The following ZMAT4 variants were observed in gnomAD, a reference collection of about 807,000 sequenced individuals.
The protein encoded by ZMAT4 is zinc finger matrin-type protein 4.
In ZMAT4, 17 loss-of-function variants were observed where a neutral mutation model predicts 28.7. That is an observed-to-expected ratio of 0.59 (90% CI 0.41 to 0.89). ZMAT4 has a LOEUF of 0.89. ZMAT4 is among the 40% of genes least tolerant of loss of function. The pLI, the probability that ZMAT4 is intolerant of heterozygous loss-of-function variation, is 0.00. For synonymous variants in ZMAT4, 117 were observed against 109.2 expected (o/e 1.07, Z -0.44); for missense variants, 240 against 283.8 (o/e 0.85, Z 1.11).
chr8:40,815,146 G>A (rs1023584873), intron 2 of ZMAT4, among the ~76,000 whole-genome samples: 3 of 152,118 alleles, frequency 2.0e-5, no homozygotes, highest in South Asian at 2.1e-4. Flanking sequence ...GTGGTGCTGC[G>A]TGCCTGTAAT....
intron 6 of ZMAT4, among the ~76,000 whole-genome samples, chr8:40,551,059 G>A (rs1803355623): frequency 6.6e-6 from 1 of 151,954 alleles, no homozygotes; most frequent in Non-Finnish European, 1.5e-5. Context: ...GTTTATTATA[G>A]TGATGTTGTC....
intron 1 of ZMAT4, among the ~76,000 whole-genome samples, chr8:40,891,850 G>A (rs923848800): frequency 2.6e-5 from 4 of 152,190 alleles, no homozygotes; most frequent in African/African-American, 9.6e-5. Context: ...ACTAACTGGG[G>A]TGCTTTCTTC....
chr8:40,642,266 C>T (rs1807065728), intron 5 of ZMAT4, among the ~76,000 whole-genome samples: 1 of 152,176 alleles, frequency 6.6e-6, no homozygotes, highest in Non-Finnish European at 1.5e-5. Context: ...TAAAAAAATT[C>T]ATACCTGCAC....
At chr8:40,537,488 T>C (rs1486316605) in intron 6 of ZMAT4, among the ~76,000 whole-genome samples, 1 of 152,174 alleles carries the variant, frequency 6.6e-6, no homozygotes, top group Non-Finnish European at 1.5e-5. Flanking sequence ...TCCTAATACA[T>C]ATACACTAGC....
chr8:40,622,194 T>C (rs1434148154), intron 5 of ZMAT4, among the ~76,000 whole-genome samples: 1 of 152,268 alleles, frequency 6.6e-6, no homozygotes, highest in African/African-American at 2.4e-5. Context: ...ATGTTTCATA[T>C]GTTTAAATTA....
At chr8:40,685,751 C>G (rs4454261) in intron 4 of ZMAT4, among the ~76,000 whole-genome samples, 99,017 of 151,858 alleles carry the variant, frequency 0.65, 32,524 homozygotes, top group East Asian at 0.82. Context: ...GCCCCAACCT[C>G]GACCACAGGA....
chr8:40,777,474 C>G (rs1016563536), intron 2 of ZMAT4, among the ~76,000 whole-genome samples: 2 of 152,204 alleles, frequency 1.3e-5, no homozygotes, highest in African/African-American at 4.8e-5. Flanking sequence ...CCTGTTGCCC[C>G]GGGCCTCCCA....
chr8:40,847,201 C>CT (rs1199057447), intron 1 of ZMAT4, among the ~76,000 whole-genome samples: 11 of 102,430 alleles, frequency 1.1e-4, no homozygotes, highest in African/African-American at 3.7e-4. Context: ...AAGATTCCAT[C>CT]TAAAAAAACA....
intron 2 of ZMAT4, among the ~76,000 whole-genome samples, chr8:40,804,150 A>T (rs535796327): frequency 6.6e-6 from 1 of 152,354 alleles, no homozygotes; most frequent in African/African-American, 2.4e-5. Flanking sequence ...TGATACTATA[A>T]TCCTAGACAC....
chr8:40,817,209 C>G lies in ZMAT4; in HGVS notation c.102+8366G>C, dbSNP rs145857911. Among the ~76,000 whole-genome samples, 340 of 152,142 alleles carry G rather than the reference C, an allele frequency of 2.2e-3. 2 individuals are homozygous for G. Among genetic ancestry groups the G allele is most frequent in the Middle Eastern group, 6.8e-3 (2 of 294 alleles). ...AACTTTCTAAAAAATAAATCGGAAG[C>G]CTTTTTACATTATTAAAAGAATAAT... On this transcript the variant is annotated intron_variant, in intron 2 of 6. Transcript: ENST00000297737.
intron 5 of ZMAT4, among the ~76,000 whole-genome samples, chr8:40,667,103 G>T (rs763331634): frequency 6.6e-6 from 1 of 151,488 alleles, no homozygotes; most frequent in Non-Finnish European, 1.5e-5. Flanking sequence ...GCTGCATAAA[G>T]TTAAGGTAGT....
At chr8:40,851,366 A>C (rs1358860133) in intron 1 of ZMAT4, among the ~76,000 whole-genome samples, 1 of 152,166 alleles carries the variant, frequency 6.6e-6, no homozygotes, top group African/African-American at 2.4e-5. Context: ...AAACTTAACT[A>C]TATTTTAAAT....
chr8:40,631,100 T>C (rs1436210995), intron 5 of ZMAT4, among the ~76,000 whole-genome samples: 1 of 152,208 alleles, frequency 6.6e-6, no homozygotes, highest in Non-Finnish European at 1.5e-5. Flanking sequence ...GCTATCATAT[T>C]AGACCACACT....
intron 2 of ZMAT4, among the ~76,000 whole-genome samples, chr8:40,819,203 T>C (rs1307129791): frequency 6.6e-6 from 1 of 152,118 alleles, no homozygotes; most frequent in African/African-American, 2.4e-5. Flanking sequence ...CAATACTAGA[T>C]TCTGCCATTC....
chr8:40,609,844 C>T (rs1280701055), intron 5 of ZMAT4, among the ~76,000 whole-genome samples: 1 of 152,034 alleles, frequency 6.6e-6, no homozygotes, highest in African/African-American at 2.4e-5. Context: ...TGAGGAGATA[C>T]TCTGTGTTCC....
At chr8:40,631,280 C>T (rs1480523108) in intron 5 of ZMAT4, among the ~76,000 whole-genome samples, 1 of 152,168 alleles carries the variant, frequency 6.6e-6, no homozygotes, top group Non-Finnish European at 1.5e-5. Context: ...GCCTCAGCCT[C>T]CCGAGTAGTT....
intron 4 of ZMAT4, among the ~76,000 whole-genome samples, chr8:40,696,728 C>T (rs1175811069): frequency 6.6e-6 from 1 of 151,446 alleles, no homozygotes; most frequent in Middle Eastern, 3.2e-3. Flanking sequence ...AATGTCATCT[C>T]AGAAAAAAAA....
chr8:40,719,656 G>A (rs905207902), intron 3 of ZMAT4, among the ~76,000 whole-genome samples: 10 of 151,924 alleles, frequency 6.6e-5, no homozygotes, highest in Admixed American at 1.3e-4. Flanking sequence ...TGCAACCTCC[G>A]CCTCCTGGGT....
chr8:40,600,683 G>C (rs1354001504), intron 5 of ZMAT4, among the ~76,000 whole-genome samples: 1 of 152,148 alleles, frequency 6.6e-6, no homozygotes, highest in Non-Finnish European at 1.5e-5. Context: ...GGGCTCCAAC[G>C]GTCTAGAGTG....
Sources: allele counts gnomAD v4.1 joint callset (sites outside exome capture counted in the v4.1 genomes callset), GRCh38; gene constraint gnomAD v4.1.1; transcripts MANE v1.5; gene names NCBI Gene and HGNC (gene_info 2026-07-23, HGNC 2026-07-21).